The following GRIK1 variants were observed in gnomAD, a reference collection of about 807,000 sequenced individuals.
GRIK1 encodes the protein glutamate receptor ionotropic, kainate 1.
In GRIK1, 69 loss-of-function variants were observed where a neutral mutation model predicts 105.7. That is an observed-to-expected ratio of 0.65 (90% CI 0.54 to 0.80). GRIK1 has a LOEUF of 0.80. GRIK1 is among the 30% of genes least tolerant of loss of function. GRIK1 has a pLI of 0.00. For missense variants in GRIK1, 1,109 were observed against 1,167.3 expected (o/e 0.95, Z 0.73); for synonymous variants, 438 against 431.3 (o/e 1.02, Z -0.19).
At chr21:29,867,758 C>T (rs990934637) in intron 1 of GRIK1, among the ~76,000 whole-genome samples, 6 of 149,308 alleles carry the variant, frequency 4.0e-5, no homozygotes, top group South Asian at 2.1e-4. Flanking sequence ...CATGCCACTG[C>T]GCTCCAGCCT....
intron 1 of GRIK1, among the ~76,000 whole-genome samples, chr21:29,738,592 A>C (rs1173492645): frequency 1.3e-5 from 2 of 152,376 alleles, no homozygotes; most frequent in African/African-American, 4.8e-5. Flanking sequence ...GATTAATTTG[A>C]AAACAAAGCA....
intron 1 of GRIK1, among the ~76,000 whole-genome samples, chr21:29,774,240 C>T (rs2065886349): frequency 6.6e-6 from 1 of 152,158 alleles, no homozygotes; most frequent in Admixed American, 6.5e-5. Context: ...AACCAGCAAC[C>T]TACTTTTCTT....
At chr21:29,855,366 G>A (rs62210282) in intron 1 of GRIK1, among the ~76,000 whole-genome samples, 1 of 152,188 alleles carries the variant, frequency 6.6e-6, no homozygotes. Flanking sequence ...CAGATGGCCA[G>A]CCAAAAATAC....
intron 8 of GRIK1, chr21:29,597,646 G>A: frequency 4.3e-6 from 2 of 468,242 alleles, no homozygotes; most frequent in Non-Finnish European, 4.4e-6. Flanking sequence ...CAACAGAGGG[G>A]CAAATCAGAG....
chr21:29,586,773 G>A (rs1414536761), intron 12 of GRIK1, among the ~76,000 whole-genome samples: 1 of 152,196 alleles, frequency 6.6e-6, no homozygotes, highest in Non-Finnish European at 1.5e-5. Context: ...TCATCTTAAT[G>A]ATAGCACAAA....
At chr21:29,574,411 T>C (rs886437539) in intron 14 of GRIK1, among the ~76,000 whole-genome samples, 2 of 152,216 alleles carry the variant, frequency 1.3e-5, no homozygotes, top group African/African-American at 4.8e-5. Context: ...CTGAATGAGA[T>C]AAATCATTTC....
chr21:29,620,878 TAGAGC>T (rs1447593747), intron 7 of GRIK1, among the ~76,000 whole-genome samples: 3 of 147,088 alleles, frequency 2.0e-5, no homozygotes, highest in African/African-American at 7.5e-5. Flanking sequence ...TATTATTTCC[TAGAGC>T]AATGTGTGAT....
At chr21:29,831,547 G>A (rs1387366848) in intron 1 of GRIK1, among the ~76,000 whole-genome samples, 1 of 152,152 alleles carries the variant, frequency 6.6e-6, no homozygotes, top group African/African-American at 2.4e-5. Context: ...AGGCAAAGGG[G>A]AAGCAGGAAC....
At chr21:29,888,265 C>A (rs561164115) in intron 1 of GRIK1, among the ~76,000 whole-genome samples, 4 of 136,728 alleles carry the variant, frequency 2.9e-5, no homozygotes, top group Admixed American at 2.3e-4. Context: ...TTCCTTCCTT[C>A]CTTCCTTCCT....
chr21:29,851,154 A>G (rs1338894549), intron 1 of GRIK1, among the ~76,000 whole-genome samples: 1 of 152,056 alleles, frequency 6.6e-6, no homozygotes, highest in East Asian at 1.9e-4. Context: ...TCCCAGGTCC[A>G]ATCAATTCTC....
At chr21:29,747,401 A>T (rs1340536931) in intron 1 of GRIK1, among the ~76,000 whole-genome samples, 1 of 152,184 alleles carries the variant, frequency 6.6e-6, no homozygotes. Context: ...TTCTCTTTAC[A>T]TGATCAGGAA....
chr21:29,620,810 T>TAGATAGATAG (rs1568897692), intron 7 of GRIK1, among the ~76,000 whole-genome samples: 55 of 114,956 alleles, frequency 4.8e-4, no homozygotes, highest in African/African-American at 1.7e-3. Flanking sequence ...TATATAGATA[T>TAGATAGATAG]ATATATATAG....
intron 1 of GRIK1, among the ~76,000 whole-genome samples, chr21:29,737,997 A>G (rs750462535): frequency 2.4e-4 from 36 of 152,208 alleles, no homozygotes; most frequent in Admixed American, 1.3e-4. Context: ...TTATTTGATT[A>G]TAGGAAGCAA....
chr21:29,859,650 T>A (rs530275201), intron 1 of GRIK1, among the ~76,000 whole-genome samples: 1 of 152,282 alleles, frequency 6.6e-6, no homozygotes, highest in East Asian at 1.9e-4. Flanking sequence ...AGGTGGGTCC[T>A]GAGGCTGAAA....
intron 1 of GRIK1, among the ~76,000 whole-genome samples, chr21:29,733,986 TATAAG>T (rs2064704313): frequency 6.6e-6 from 1 of 152,154 alleles, no homozygotes; most frequent in African/African-American, 2.4e-5. Flanking sequence ...TTTATTTTAA[TATAAG>T]ATATTTAATT....
At chr21:29,547,034 A>T (rs1193319996) in intron 16 of GRIK1, among the ~76,000 whole-genome samples, 1 of 152,220 alleles carries the variant, frequency 6.6e-6, no homozygotes, top group Non-Finnish European at 1.5e-5. Flanking sequence ...AGTCTCATTT[A>T]TCATCCTCTT....
chr21:29,653,277 A>G (rs1050330984), intron 5 of GRIK1, among the ~76,000 whole-genome samples: 2 of 152,226 alleles, frequency 1.3e-5, no homozygotes, highest in African/African-American at 4.8e-5. Context: ...CCTCTTAGAG[A>G]TTCATAGTAC....
chr21:29,573,722 A>C (rs1201468663), intron 14 of GRIK1, among the ~76,000 whole-genome samples: 1 of 152,054 alleles, frequency 6.6e-6, no homozygotes, highest in East Asian at 1.9e-4. Flanking sequence ...GGTAGCATGC[A>C]CCTGTAATCC....
chr21:29,694,709 C>G (rs919725533), intron 1 of GRIK1, among the ~76,000 whole-genome samples: 1 of 152,116 alleles, frequency 6.6e-6, no homozygotes, highest in Non-Finnish European at 1.5e-5. Context: ...GCACCATGCT[C>G]GATCTAAACA....
Sources: allele counts gnomAD v4.1 joint callset (sites outside exome capture counted in the v4.1 genomes callset), GRCh38; gene constraint gnomAD v4.1.1; transcripts MANE v1.5; gene names NCBI Gene and HGNC (gene_info 2026-07-23, HGNC 2026-07-21).